Variants in PTPRG observed in about 807,000 individuals in gnomAD.
PTPRG encodes the protein protein tyrosine phosphatase receptor type G.
In PTPRG, 102 loss-of-function variants were observed where a neutral mutation model predicts 165.3. The observed-to-expected ratio is 0.62, with a 90% CI of 0.53 to 0.73. The LOEUF is 0.73. Among genes scored for constraint, PTPRG ranks in the 30% least tolerant of loss-of-function variants. The pLI, the probability that PTPRG is intolerant of heterozygous loss-of-function variation, is 0.00. For synonymous variants in PTPRG, 675 were observed against 669.5 expected (o/e 1.01, Z -0.13); for missense variants, 1,866 against 1,861.4 (o/e 1.00, Z -0.05).
intron 4 of PTPRG, among the ~76,000 whole-genome samples, chr3:62,041,760 T>G (rs1344395331): frequency 1.3e-5 from 2 of 151,890 alleles, no homozygotes; most frequent in Non-Finnish European, 2.9e-5. Flanking sequence ...GTGATGGTGG[T>G]GATGGAGATG....
chr3:61,964,427 T>G (rs2040222380), intron 2 of PTPRG, among the ~76,000 whole-genome samples: 1 of 152,186 alleles, frequency 6.6e-6, no homozygotes, highest in Admixed American at 6.5e-5. Context: ...CTCTCCTGGG[T>G]GGCATTGTCA....
chr3:62,071,063 C>T (rs1042754943), intron 4 of PTPRG, among the ~76,000 whole-genome samples: 5 of 152,052 alleles, frequency 3.3e-5, no homozygotes, highest in African/African-American at 7.2e-5. Flanking sequence ...GTCCTGTTTA[C>T]GTCTCATCTC....
intron 2 of PTPRG, among the ~76,000 whole-genome samples, chr3:61,793,836 G>C (rs982374610): frequency 1.3e-5 from 2 of 152,124 alleles, no homozygotes; most frequent in African/African-American, 4.8e-5. Flanking sequence ...TGGCTAGGTG[G>C]TGAAAATGAC....
At chr3:62,094,667 G>C (rs1702050839) in intron 5 of PTPRG, among the ~76,000 whole-genome samples, 1 of 152,190 alleles carries the variant, frequency 6.6e-6, no homozygotes, top group Non-Finnish European at 1.5e-5. Flanking sequence ...GAGTTGCTCA[G>C]TACCCAGAGC....
At chr3:61,877,716 C>T (rs779219303) in intron 2 of PTPRG, among the ~76,000 whole-genome samples, 19 of 152,058 alleles carry the variant, frequency 1.2e-4, no homozygotes, top group Admixed American at 6.6e-4. Flanking sequence ...AAAATGATGA[C>T]AGTAAAAAGG....
rs369577483 is a variant in PTPRG, at chr3:61,886,373, G to A, written c.191-103252G>A. ...TTCAAGTCTCAATGACTACCTAGTA[G>A]TTCATTTACTTACCTATATTTGTAT... On this transcript the variant is annotated intron_variant, in intron 2 of 29. Transcript: ENST00000474889. Among the ~76,000 whole-genome samples, 66 of 152,180 alleles carry A rather than the reference G, an allele frequency of 4.3e-4. 1 individual carries two copies. The highest frequency in any genetic ancestry group is 1.4e-3 in the African/African-American group (60 of 41,450).
intron 2 of PTPRG, among the ~76,000 whole-genome samples, chr3:61,906,497 T>A (rs1179983536): frequency 6.6e-6 from 1 of 151,558 alleles, no homozygotes; most frequent in Non-Finnish European, 1.5e-5. Context: ...GGACTTGGTG[T>A]GGTGGCTCAC....
chr3:62,078,925 G>A (rs908742401), intron 5 of PTPRG, among the ~76,000 whole-genome samples: 1 of 152,112 alleles, frequency 6.6e-6, no homozygotes, highest in Non-Finnish European at 1.5e-5. Context: ...CAACTTGCCT[G>A]TAGGAGACCT....
intron 1 of PTPRG, among the ~76,000 whole-genome samples, chr3:61,604,150 C>A (rs181199923): frequency 1.3e-5 from 2 of 152,242 alleles, no homozygotes; most frequent in East Asian, 1.9e-4. Context: ...ATGGCAAAAC[C>A]TTGTCTCTAC....
chr3:62,227,001 T>C (rs1406352378), intron 13 of PTPRG, among the ~76,000 whole-genome samples: 1 of 151,866 alleles, frequency 6.6e-6, no homozygotes, highest in Admixed American at 6.6e-5. Flanking sequence ...GGAGACAGAG[T>C]GTAATAAATA....
intron 2 of PTPRG, among the ~76,000 whole-genome samples, chr3:61,915,751 C>A (rs1167557511): frequency 6.6e-6 from 1 of 152,122 alleles, no homozygotes; most frequent in East Asian, 1.9e-4. Context: ...GAAATTAATT[C>A]TTCAGCAAGA....
intron 4 of PTPRG, among the ~76,000 whole-genome samples, chr3:62,064,584 A>T (rs1426744222): frequency 6.6e-6 from 1 of 152,088 alleles, no homozygotes; most frequent in African/African-American, 2.4e-5. Flanking sequence ...TGGGGCATAG[A>T]TACTTGAATA....
chr3:61,663,373 A>C (rs897105719), intron 1 of PTPRG, among the ~76,000 whole-genome samples: 2 of 152,144 alleles, frequency 1.3e-5, no homozygotes, highest in African/African-American at 4.8e-5. Context: ...ATCATTGTAT[A>C]ATTTTGAGCA....
Position 62,233,496 on chromosome 3 carries a change from C to T in PTPRG, c.2375+2185C>T, listed in dbSNP as rs1700952741. Among the ~76,000 whole-genome samples, 2 of 152,206 alleles carry T rather than the reference C, an allele frequency of 1.3e-5. No homozygotes were observed. The highest frequency in any genetic ancestry group is 1.3e-4 in the Admixed American group (2 of 15,284). The stretch of plus-strand genomic sequence containing the variant: ...TCTGCAGGAGGCTGGAATGCAAGCC[C>T]TTCAACCAGGCTCTCTCTCACCTTT... On this transcript the variant is annotated intron_variant, in intron 14 of 29. Coordinates refer to ENST00000474889, the MANE Select transcript of PTPRG (RefSeq NM_002841.4). This position sits in a 1 kb window ranked among gnomAD's most constrained non-coding sequence, Gnocchi z 4.7.
rs188143356 is a variant in PTPRG, at chr3:62,025,011, T to C, written c.519+21514T>C. ...TCTTGTTTGTTGGCATAAAAGTTAT[T>C]TTCCAGGAGTATGAAAGTCATGCTT... On this transcript the variant is annotated intron_variant, in intron 4 of 29. Coordinates refer to ENST00000474889, the MANE Select transcript of PTPRG (RefSeq NM_002841.4). Among the ~76,000 whole-genome samples, 186 of 152,318 alleles carry C rather than the reference T, an allele frequency of 1.2e-3. 1 individual carries two copies. The highest frequency in any genetic ancestry group is 4.2e-3 in the African/African-American group (176 of 41,558).
intron 4 of PTPRG, among the ~76,000 whole-genome samples, chr3:62,028,211 G>C (rs1222855152): frequency 1.3e-5 from 2 of 152,112 alleles, no homozygotes; most frequent in Non-Finnish European, 2.9e-5. Context: ...ATTTTTGAAA[G>C]GTATGCATTT....
rs114902373 is a variant in PTPRG at position 62,150,715 on chromosome 3, T to C, written c.683-6352T>C. 4.2e-3 allele frequency among the ~76,000 whole-genome samples: 633 copies of C among 152,300 alleles called. 2 individuals are homozygous for C. The highest frequency in any genetic ancestry group is 9.1e-3 in the African/African-American group (377 of 41,568). ...AAACCCTGAAGAAACCAAATAATCA[T>C]TGGGCTAAAAACAGAAGCTTGGGCT... On this transcript the variant is annotated intron_variant, in intron 6 of 29. Transcript: ENST00000474889.
intron 8 of PTPRG, among the ~76,000 whole-genome samples, chr3:62,180,734 T>C (rs571057842): frequency 7.5e-4 from 114 of 152,288 alleles, no homozygotes; most frequent in African/African-American, 2.5e-3. Context: ...AACAATGCTC[T>C]TTCCTGCACA....
chr3:62,003,420 G>A lies in PTPRG; in HGVS notation c.442G>A (p.Val148Met), dbSNP rs755442122. 12 of 1,613,948 alleles carry A rather than the reference G, an allele frequency of 7.4e-6. No individual in the cohort carries two copies. In the African/African-American group the frequency reaches 1.6e-4, roughly 22 times the overall value. The change falls in exon 4 of 30, where the codon GTG becomes ATG. Residue 148 changes from valine (V) to methionine (M), a missense_variant. By Grantham distance (21) the Val-to-Met change is conservative. Coordinates refer to ENST00000474889, the MANE Select transcript of PTPRG (RefSeq NM_002841.4). ...ACCTGGCAGATTCAAAGCTGAGAAG[G>A]TGGAATTTCACTGGGGCCACAGCAA... The part of the protein sequence containing the change: ...GLPGRFKAEK[V>M]EFHWGHSNGS...
Sources: allele counts gnomAD v4.1 joint callset (sites outside exome capture counted in the v4.1 genomes callset), GRCh38; gene constraint gnomAD v4.1.1; non-coding constraint Gnocchi (gnomAD v3.1); transcripts MANE v1.5; gene names NCBI Gene and HGNC (gene_info 2026-07-23, HGNC 2026-07-21).